DMD: variants seen among roughly 807,000 people sequenced by gnomAD.
The protein encoded by DMD is dystrophin, also known as mutant dystrophin.
DMD carries 63 observed loss-of-function variants against 330.1 expected under a neutral mutation model. That is an observed-to-expected ratio of 0.19 (90% CI 0.16 to 0.24). The LOEUF is 0.24. DMD is among the 10% of genes least tolerant of loss of function. The pLI, the probability that DMD is intolerant of heterozygous loss-of-function variation, is 1.00. For synonymous variants in DMD, 1,223 were observed against 959.8 expected (o/e 1.27, Z -5.07); for missense variants, 3,344 against 2,684.1 (o/e 1.25, Z -5.43).
At chrX:32,864,152 CAG>C (rs1490039981) in intron 2 of DMD, among the ~76,000 whole-genome samples, 1 of 110,815 alleles carries the variant, frequency 9.0e-6, no homozygotes, top group African/African-American at 3.4e-5. Flanking sequence ...CCTCATGTAT[CAG>C]AAAGATGCGA....
intron 59 of DMD, among the ~76,000 whole-genome samples, chrX:31,447,205 T>C (rs892271734): frequency 9.0e-6 from 1 of 110,958 alleles, no homozygotes; most frequent in African/African-American, 3.3e-5. Flanking sequence ...TTTCCTCTTT[T>C]TTTTTCTTTT....
At position 33,176,459 on chromosome X, in the gene DMD, G is replaced by T. The variant is rs756704596; in HGVS notation, c.31+34823C>A. 8.3e-5 allele frequency among the ~76,000 whole-genome samples: 9 copies of T among 108,956 alleles called. No homozygotes were observed. The South Asian group carries it at 2.4e-3, about 28-fold the overall frequency. The allele number at this position is 108,956 out of a possible 115,157, so 94.6% of individuals were successfully genotyped here. On this transcript the variant is annotated intron_variant, in intron 1 of 78. Coordinates refer to ENST00000357033, the MANE Select transcript of DMD (RefSeq NM_004006.3). ...AACCAGGTATACGTATAATTATATT[G>T]TCAACTAAAAAATAAAATGAAATAA...
intron 44 of DMD, among the ~76,000 whole-genome samples, chrX:32,149,339 T>A (rs1307948855): frequency 8.9e-6 from 1 of 111,950 alleles, no homozygotes. Flanking sequence ...GAAACAATAC[T>A]CATAAAAACA....
At chrX:33,048,680 C>T (rs751255533) in intron 1 of DMD, among the ~76,000 whole-genome samples, 7 of 70,060 alleles carry the variant, frequency 1.0e-4, no homozygotes, top group African/African-American at 1.3e-4. Flanking sequence ...GCTGACAGAG[C>T]GAGACTCCCC....
At chrX:32,418,702 C>G (rs1471509521) in intron 29 of DMD, among the ~76,000 whole-genome samples, 1 of 110,763 alleles carries the variant, frequency 9.0e-6, no homozygotes, top group African/African-American at 3.3e-5. Flanking sequence ...GAAATTGGTT[C>G]TTACAATTTT....
At chrX:32,657,275 A>C (rs746075098) in intron 9 of DMD, among the ~76,000 whole-genome samples, 3 of 111,743 alleles carry the variant, frequency 2.7e-5, no homozygotes, top group Non-Finnish European at 3.8e-5. Flanking sequence ...GAGAGAAAAT[A>C]ATAGAAGATT....
chrX:32,678,233 TA>T (rs1305063368), intron 9 of DMD, among the ~76,000 whole-genome samples: 3 of 112,555 alleles, frequency 2.7e-5, no homozygotes, highest in Non-Finnish European at 5.6e-5. Context: ...GGTTATTTGA[TA>T]AATCTGTTGA....
At chrX:32,012,365 C>A (rs997921854) in intron 44 of DMD, among the ~76,000 whole-genome samples, 1 of 111,936 alleles carries the variant, frequency 8.9e-6, no homozygotes, top group Non-Finnish European at 1.9e-5. Context: ...CAGTAGAAAT[C>A]TCATCAGTAA....
chrX:32,894,413 T>A (rs1023168695), intron 2 of DMD, among the ~76,000 whole-genome samples: 1 of 112,594 alleles, frequency 8.9e-6, no homozygotes, highest in Non-Finnish European at 1.9e-5. Context: ...GGTGGCAGAC[T>A]GGACAAGATA....
At chrX:32,148,650 C>T (rs1730471466) in intron 44 of DMD, among the ~76,000 whole-genome samples, 1 of 110,285 alleles carries the variant, frequency 9.1e-6, no homozygotes, top group African/African-American at 3.3e-5. Context: ...GTCTGCTTTA[C>T]ACTGGCAGGC....
intron 62 of DMD, among the ~76,000 whole-genome samples, chrX:31,315,021 C>T (rs1601809601): frequency 9.0e-6 from 1 of 111,427 alleles, no homozygotes; most frequent in South Asian, 3.8e-4. Context: ...TAAAACATTG[C>T]CTGGGCTGTT....
chrX:32,526,587 C>G (rs923880392), intron 17 of DMD, among the ~76,000 whole-genome samples: 1 of 111,443 alleles, frequency 9.0e-6, no homozygotes, highest in African/African-American at 3.3e-5. Flanking sequence ...ACAGACTCAG[C>G]CTCATCCAGT....
At chrX:31,726,974 C>T (rs868844187) in intron 52 of DMD, among the ~76,000 whole-genome samples, 6 of 111,140 alleles carry the variant, frequency 5.4e-5, no homozygotes, top group South Asian at 3.8e-4. Context: ...AACTTGCCCT[C>T]CGGTCATTCA....
chrX:32,159,122 C>T (rs2096840056), intron 44 of DMD, among the ~76,000 whole-genome samples: 1 of 112,303 alleles, frequency 8.9e-6, no homozygotes, highest in South Asian at 3.7e-4. Flanking sequence ...TTAAACCAAG[C>T]TTCATACTCC....
rs142068966 is a variant in DMD, at chrX:33,170,788, T to C, written c.31+40494A>G. On this transcript the variant is annotated intron_variant, in intron 1 of 78. Coordinates refer to ENST00000357033, the MANE Select transcript of DMD (RefSeq NM_004006.3). ...CTGAACTTCACAGAAGTAGACAATA[T>C]GGATGTGATTTCTGTAAGAAAGAGA... Among the ~76,000 whole-genome samples the C allele has an allele frequency of 1.4e-3, 155 of 111,695 alleles. 3 individuals carry two copies. The East Asian group carries it at 0.034, about 24-fold the overall frequency.
intron 1 of DMD, among the ~76,000 whole-genome samples, chrX:33,143,860 A>C (rs2047909734): frequency 9.0e-6 from 1 of 111,725 alleles, no homozygotes; most frequent in Non-Finnish European, 1.9e-5. Flanking sequence ...CCGATAATAC[A>C]GGGAAAAAAA....
chrX:31,151,486 G>A lies in DMD; in HGVS notation c.10554-3968C>T, dbSNP rs767675391. ...CTGACAGGAGACTGCCTTTTCTAGA[G>A]AGATCTTCCTTGGTATCTTGATCCT... On this transcript the variant is annotated intron_variant, in intron 74 of 78. Transcript: ENST00000357033. Among the ~76,000 whole-genome samples the A allele has an allele frequency of 4.8e-4, 54 of 112,114 alleles. No individual in the cohort carries two copies. In the Middle Eastern group the frequency reaches 0.014, roughly 29 times the overall value.
At chrX:32,229,775 C>T (rs1255571324) in intron 43 of DMD, among the ~76,000 whole-genome samples, 1 of 91,190 alleles carries the variant, frequency 1.1e-5, no homozygotes, top group Non-Finnish European at 2.1e-5. Context: ...CCATCGCCAC[C>T]ATGAAGGCTA....
intron 44 of DMD, 63 bp downstream of exon 44, chrX:32,216,853 A>C (rs1207319180): frequency 4.8e-6 from 5 of 1,034,189 alleles, no homozygotes; most frequent in African/African-American, 3.7e-5. Flanking sequence ...ATCTTTAAGA[A>C]GTTAAAGAGT....
Sources: gnomAD v4.1 joint callset for allele counts (sites outside exome capture counted in the v4.1 genomes callset) on GRCh38, gnomAD v4.1.1 for gene constraint, MANE v1.5 for transcripts, NCBI Gene and HGNC (gene_info 2026-07-23, HGNC 2026-07-21) for gene names.